Variants in BTBD7 observed in about 807,000 individuals in gnomAD.
The protein encoded by BTBD7 is BTB domain containing 7.
In BTBD7, 38 loss-of-function variants were observed where a neutral mutation model predicts 99.9. That is an observed-to-expected ratio of 0.38 (90% CI 0.29 to 0.50). The LOEUF (loss-of-function observed/expected upper bound fraction) is 0.50. BTBD7 is among the 20% of genes least tolerant of loss of function. BTBD7 has a pLI of 0.93. For synonymous variants in BTBD7, 520 were observed against 511.4 expected (o/e 1.02, Z -0.23); for missense variants, 1,170 against 1,394.6 (o/e 0.84, Z 2.57).
chr14:93,265,594 G>A (rs1325911674), intron 3 of BTBD7, among the ~76,000 whole-genome samples: 5 of 152,240 alleles, frequency 3.3e-5, no homozygotes, highest in African/African-American at 1.2e-4. Context: ...TTAACTTGAT[G>A]CGTGGAGTGG....
At chr14:93,244,992 TG>T (rs2052287344) in intron 10 of BTBD7, among the ~76,000 whole-genome samples, 1 of 151,586 alleles carries the variant, frequency 6.6e-6, no homozygotes, top group Non-Finnish European at 1.5e-5. Flanking sequence ...CATGAGTAGC[TG>T]GGACTACAGG....
chr14:93,327,134 C>T (rs1032375818), intron 1 of BTBD7, among the ~76,000 whole-genome samples: 9 of 151,956 alleles, frequency 5.9e-5, no homozygotes, highest in African/African-American at 1.7e-4. Flanking sequence ...GCGCTCAGCC[C>T]GCTGTCAAAG....
chr14:93,330,957 T>C (rs963929253), intron 1 of BTBD7, among the ~76,000 whole-genome samples: 1 of 152,208 alleles, frequency 6.6e-6, no homozygotes, highest in African/African-American at 2.4e-5. Context: ...AATACAGTAG[T>C]CAGGTTTTGT....
At chr14:93,248,289 T>C (rs1335624548) in intron 9 of BTBD7, among the ~76,000 whole-genome samples, 187 bp downstream of exon 9, 1 of 152,170 alleles carries the variant, frequency 6.6e-6, no homozygotes, top group East Asian at 1.9e-4. Flanking sequence ...CCTAGGCCTC[T>C]GCTCAGTCCA....
intron 3 of BTBD7, among the ~76,000 whole-genome samples, chr14:93,266,092 T>C (rs1012061909): frequency 6.6e-6 from 1 of 152,004 alleles, no homozygotes; most frequent in Non-Finnish European, 1.5e-5. Flanking sequence ...CTAGGAGAAT[T>C]AGTTCTACAT....
At chr14:93,329,379 A>C (rs2139838886) in intron 1 of BTBD7, among the ~76,000 whole-genome samples, 1 of 152,256 alleles carries the variant, frequency 6.6e-6, no homozygotes, top group Admixed American at 6.5e-5. Flanking sequence ...AGCAAATAAC[A>C]AGTATTGGTG....
In BTBD7 at chr14:93,332,896, G is replaced by A. The variant is rs1234413151; in HGVS notation, c.-183C>T. ...CTCCGCCGCCGCCGCCACCAGCACC[G>A]CCGTCCGCACCGGCGCCAGCACCCC... On this transcript the variant is annotated 5_prime_UTR_variant, in exon 1 of 11. Coordinates refer to ENST00000334746, the MANE Select transcript of BTBD7 (RefSeq NM_001002860.4). The A allele has an allele frequency of 7.1e-7, 1 of 1,401,710 alleles. No individual in the cohort carries two copies. Among genetic ancestry groups the A allele is most frequent in the Non-Finnish European group, 9.4e-7 (1 of 1,061,070 alleles). 86.8% of individuals were successfully genotyped at this position (1,401,710 alleles called of 1,614,324 possible).
chr14:93,250,508 T>C (rs7158781), intron 8 of BTBD7, among the ~76,000 whole-genome samples: 23,493 of 152,256 alleles, frequency 0.15, 2,777 homozygotes, highest in African/African-American at 0.33. Context: ...AAAATATATG[T>C]ATTCAATTAA....
intron 3 of BTBD7, among the ~76,000 whole-genome samples, chr14:93,292,373 A>G (rs1406119750): frequency 6.6e-6 from 1 of 152,308 alleles, no homozygotes; most frequent in Non-Finnish European, 1.5e-5. Flanking sequence ...TTTTACAGAA[A>G]AAAATAGTAG....
At chr14:93,304,870 G>A (rs1043763784) in intron 1 of BTBD7, among the ~76,000 whole-genome samples, 1 of 152,220 alleles carries the variant, frequency 6.6e-6, no homozygotes, top group Non-Finnish European at 1.5e-5. Context: ...TAGAGCTGGA[G>A]AGATAAGCAA....
At chr14:93,295,827 C>T (rs111942502) in intron 2 of BTBD7, 143 bp downstream of exon 2, 10 of 713,152 alleles carry the variant, frequency 1.4e-5, no homozygotes, top group South Asian at 2.1e-5. Context: ...TTAAGATTTA[C>T]GTTTGTTGGG....
chr14:93,259,706 G>A (rs1455096904), intron 5 of BTBD7, among the ~76,000 whole-genome samples: 1 of 152,092 alleles, frequency 6.6e-6, no homozygotes, highest in Non-Finnish European at 1.5e-5. Context: ...TGCTGGGCAT[G>A]GTGGATCATC....
chr14:93,308,898 G>A (rs546287165), intron 1 of BTBD7, among the ~76,000 whole-genome samples: 3 of 152,326 alleles, frequency 2.0e-5, no homozygotes, highest in Admixed American at 6.5e-5. Flanking sequence ...GAAAGTTCTG[G>A]AGATGGTGGT....
chr14:93,299,836 T>A (rs1220883971), intron 1 of BTBD7, among the ~76,000 whole-genome samples: 1 of 152,112 alleles, frequency 6.6e-6, no homozygotes, highest in Non-Finnish European at 1.5e-5. Context: ...TTAGAAAATG[T>A]AGGATTAAAC....
intron 9 of BTBD7, among the ~76,000 whole-genome samples, chr14:93,247,672 A>T (rs1454635369): frequency 6.6e-6 from 1 of 152,218 alleles, no homozygotes; most frequent in Non-Finnish European, 1.5e-5. Context: ...AAGGGTACGG[A>T]TTAAAGGGGT....
intron 4 of BTBD7, among the ~76,000 whole-genome samples, chr14:93,262,139 T>C (rs8017915): frequency 0.15 from 23,043 of 150,552 alleles, 2,682 homozygotes; most frequent in African/African-American, 0.33. Flanking sequence ...GCTAATTTTT[T>C]TTTTTTTTTT....
intron 1 of BTBD7, among the ~76,000 whole-genome samples, chr14:93,310,755 A>T (rs1383242233): frequency 6.7e-6 from 1 of 150,180 alleles, no homozygotes; most frequent in Non-Finnish European, 1.5e-5. Context: ...ACAAACAAAC[A>T]AAAAAACCAA....
chr14:93,240,229 C>T lies in BTBD7; in HGVS notation c.*2044G>A, dbSNP rs900350909. ...ACCAGTGTCACCGAGCGCACCCGCA[C>T]AGCAGCTAACCAGTCAGGCAGCAGA... On this transcript the variant is annotated 3_prime_UTR_variant, in exon 11 of 11. Transcript: ENST00000334746. 2 of 152,688 alleles carry T rather than the reference C, an allele frequency of 1.3e-5. No individual in the cohort carries two copies. The highest frequency in any genetic ancestry group is 2.4e-5 in the African/African-American group (1 of 41,464). The allele number at this position is 152,688 out of a possible 1,614,324, so 9.5% of individuals were successfully genotyped here.
At chr14:93,331,879 T>TTCCCCCC (rs2053423174) in intron 1 of BTBD7, among the ~76,000 whole-genome samples, 1 of 133,116 alleles carries the variant, frequency 7.5e-6, no homozygotes, top group African/African-American at 3.4e-5. Context: ...AGACTCCGTC[T>TTCCCCCC]CCCCCCCCCC....
Sources: gnomAD v4.1 joint callset for allele counts (sites outside exome capture counted in the v4.1 genomes callset) on GRCh38, gnomAD v4.1.1 for gene constraint, MANE v1.5 for transcripts, NCBI Gene and HGNC (gene_info 2026-07-23, HGNC 2026-07-21) for gene names.